Variants in MARCHF1 observed in about 807,000 individuals in gnomAD.
The protein encoded by MARCHF1 is membrane associated ring-CH-type finger 1, also known as E3 ubiquitin-protein ligase MARCHF1.
Under a neutral mutation model 54.2 loss-of-function variants are expected in MARCHF1, and 40 were observed. The ratio of observed to expected loss-of-function variants is 0.74; its 90% CI spans 0.57 to 0.96. The LOEUF (loss-of-function observed/expected upper bound fraction) is 0.96. MARCHF1 is among the 40% of genes least tolerant of loss of function. MARCHF1 has a pLI of 0.00. For missense variants in MARCHF1, 586 were observed against 656.5 expected, an observed-to-expected ratio of 0.89 and a Z score of 1.17; for synonymous variants, 236 against 236.3, an observed-to-expected ratio of 1.00 and a Z score of 0.01.
intron 4 of MARCHF1, among the ~76,000 whole-genome samples, chr4:163,818,333 T>C (rs1218825537): frequency 6.6e-6 from 1 of 152,084 alleles, no homozygotes; most frequent in Non-Finnish European, 1.5e-5. Flanking sequence ...ACAAGTTCCA[T>C]GGTGGTTTGC....
intron 3 of MARCHF1, among the ~76,000 whole-genome samples, chr4:163,876,088 A>C (rs1354093332): frequency 6.6e-6 from 1 of 152,156 alleles, no homozygotes; most frequent in East Asian, 1.9e-4. Context: ...ATATTCACAG[A>C]AATTATATCA....
At chr4:164,255,125 C>T (rs949386495) in intron 1 of MARCHF1, among the ~76,000 whole-genome samples, 1 of 152,080 alleles carries the variant, frequency 6.6e-6, no homozygotes, top group Non-Finnish European at 1.5e-5. Context: ...CTATCTAATT[C>T]TATATAACAA....
At chr4:163,993,276 A>T (rs1023390135) in intron 2 of MARCHF1, among the ~76,000 whole-genome samples, 1 of 152,098 alleles carries the variant, frequency 6.6e-6, no homozygotes, top group African/African-American at 2.4e-5. Context: ...CATTTCTAAA[A>T]TGCTTGTATG....
intron 2 of MARCHF1, among the ~76,000 whole-genome samples, chr4:164,008,057 C>A (rs955316591): frequency 2.0e-5 from 3 of 152,028 alleles, no homozygotes; most frequent in Non-Finnish European, 4.4e-5. Context: ...ATTTAAAAAA[C>A]CAGGACCCAA....
At chr4:163,871,970 G>C (rs942815854) in intron 3 of MARCHF1, among the ~76,000 whole-genome samples, 1 of 152,138 alleles carries the variant, frequency 6.6e-6, no homozygotes, top group Non-Finnish European at 1.5e-5. Flanking sequence ...ACTGGAGTTT[G>C]TTATTAAGTT....
intron 1 of MARCHF1, among the ~76,000 whole-genome samples, chr4:164,327,943 A>ACCATTTTTAGTAT: frequency 6.6e-6 from 1 of 152,238 alleles, no homozygotes; most frequent in South Asian, 2.1e-4. Context: ...CATCCAAGAA[A>ACCATTTTTAGTAT]CCATTTTTAG....
intron 2 of MARCHF1, among the ~76,000 whole-genome samples, chr4:163,999,243 C>A (rs544720022): frequency 9.3e-5 from 14 of 151,232 alleles, no homozygotes; most frequent in East Asian, 1.9e-4. Flanking sequence ...TTAAAAAAAA[C>A]CGACAAAAAA....
At chr4:163,841,338 T>A (rs972334840) in intron 4 of MARCHF1, among the ~76,000 whole-genome samples, 3 of 152,062 alleles carry the variant, frequency 2.0e-5, no homozygotes, top group African/African-American at 7.2e-5. Flanking sequence ...TTGGGGATGT[T>A]AACAGTTGGG....
At chr4:163,611,124 T>C (rs1173187996) in intron 7 of MARCHF1, among the ~76,000 whole-genome samples, 1 of 152,080 alleles carries the variant, frequency 6.6e-6, no homozygotes, top group Non-Finnish European at 1.5e-5. Flanking sequence ...GGGTCTCTGT[T>C]CCATATTAAA....
intron 2 of MARCHF1, among the ~76,000 whole-genome samples, chr4:164,076,254 A>G (rs540256801): frequency 7.2e-5 from 11 of 152,344 alleles, no homozygotes; most frequent in African/African-American, 2.2e-4. Context: ...ATAAAAAATT[A>G]AAGTGCATAA....
intron 2 of MARCHF1, among the ~76,000 whole-genome samples, chr4:164,058,482 C>T (rs191584220): frequency 4.2e-4 from 64 of 152,304 alleles, no homozygotes; most frequent in Non-Finnish European, 7.5e-4. Flanking sequence ...GCTCAGAAGG[C>T]GACCTCAGTT....
rs1470183360 is a variant in MARCHF1 at position 164,068,260 on chromosome 4, T to C, written c.-248+43328A>G. On this transcript the variant is annotated intron_variant, in intron 2 of 9. Transcript: ENST00000514618. ...CAGCCCTCGCAGCCCTCGCTCACTCTCGGCACCTCCTCAGTCTTGGCACCC... is the reference window on the plus strand; with the variant it reads ...CAGCCCTCGCAGCCCTCGCTCACTCCCGGCACCTCCTCAGTCTTGGCACCC... Among the ~76,000 whole-genome samples the C allele has an allele frequency of 2.0e-5, 3 of 152,160 alleles. No individual in the cohort carries two copies. The East Asian group carries it at 5.8e-4, about 29-fold the overall frequency.
chr4:163,787,293 TG>T (rs1288662033), intron 4 of MARCHF1, among the ~76,000 whole-genome samples: 1 of 151,360 alleles, frequency 6.6e-6, no homozygotes, highest in Non-Finnish European at 1.5e-5. Flanking sequence ...GAAAAGGCAA[TG>T]TAAAAAAGGG....
At chr4:163,995,192 A>G (rs1176338557) in intron 2 of MARCHF1, among the ~76,000 whole-genome samples, 4 of 152,056 alleles carry the variant, frequency 2.6e-5, no homozygotes, top group Non-Finnish European at 4.4e-5. Flanking sequence ...CTTAGGTTCA[A>G]TGAGTTTGCT....
chr4:164,343,925 A>G (rs1269302198), intron 1 of MARCHF1, among the ~76,000 whole-genome samples: 2 of 152,184 alleles, frequency 1.3e-5, no homozygotes, highest in Admixed American at 1.3e-4. Flanking sequence ...ACATACACAC[A>G]TATCTTCATC....
At chr4:163,859,281 C>A (rs989398904) in intron 3 of MARCHF1, among the ~76,000 whole-genome samples, 2 of 151,842 alleles carry the variant, frequency 1.3e-5, no homozygotes, top group Non-Finnish European at 2.9e-5. Context: ...TGTAAGGTGG[C>A]ATGATGGTGA....
rs370504086 is a variant in MARCHF1 at position 164,326,957 on chromosome 4, TTGTGTGTGTG to T, written c.-323+56903_-323+56912del. On this transcript the variant is annotated intron_variant, in intron 1 of 9. Transcript: ENST00000514618. ...CTACCTCATAGGTTTGTTGTAAGGA[TTGTGTGTGTG>T]TGTGTGTGTGTGTGTGTGTGTGTGT... is the stretch of plus-strand genomic sequence containing the variant. Among the ~76,000 whole-genome samples the T allele has an allele frequency of 1.0e-3, 137 of 133,718 alleles. 1 individual carries two copies. The East Asian group carries it at 0.011, about 10-fold the overall frequency. 87.7% of individuals were successfully genotyped at this position (133,718 alleles called of 152,430 possible).
intron 1 of MARCHF1, among the ~76,000 whole-genome samples, chr4:164,247,954 CA>C (rs1733004984): frequency 6.6e-6 from 1 of 151,374 alleles, no homozygotes; most frequent in African/African-American, 2.4e-5. Context: ...GATGTTTTTA[CA>C]GCCACATTGG....
rs190756011 is a variant in MARCHF1, at chr4:164,095,127, G to A, written c.-248+16461C>T. Among the ~76,000 whole-genome samples the A allele has an allele frequency of 6.0e-4, 91 of 152,168 alleles. No homozygotes were observed. The East Asian group carries it at 0.017, about 28-fold the overall frequency. On this transcript the variant is annotated intron_variant, in intron 2 of 9. Coordinates refer to ENST00000514618, the MANE Select transcript of MARCHF1 (RefSeq NM_001394959.1). ...TAATACCTACAGTTGTTAGACGGGA[G>A]AAAACAGAAGTATGAGAGGTCTCCT...
Sources: allele counts gnomAD v4.1 joint callset (sites outside exome capture counted in the v4.1 genomes callset), GRCh38; gene constraint gnomAD v4.1.1; transcripts MANE v1.5; gene names NCBI Gene and HGNC (gene_info 2026-07-23, HGNC 2026-07-21).